Variants in PPP1R9A observed in about 807,000 individuals in gnomAD.
The protein encoded by PPP1R9A is protein phosphatase 1 regulatory subunit 9A, also known as neurabin-1.
Under a neutral mutation model 141.9 loss-of-function variants are expected in PPP1R9A, and 59 were observed. The ratio of observed to expected loss-of-function variants is 0.42; its 90% CI spans 0.34 to 0.52. The LOEUF is 0.52. PPP1R9A is among the 20% of genes least tolerant of loss of function. The pLI, the probability that PPP1R9A is intolerant of heterozygous loss-of-function variation, is 0.10. For synonymous variants in PPP1R9A, 500 were observed against 569.7 expected, an observed-to-expected ratio of 0.88 and a Z score of 1.74; for missense variants, 1,444 against 1,611.9, an observed-to-expected ratio of 0.90 and a Z score of 1.78.
chr7:95,274,221 C>T lies in PPP1R9A; in HGVS notation c.3296+53C>T, dbSNP rs979324983. 2.1e-6 allele frequency: 3 copies of T among 1,431,088 alleles called. No homozygotes were observed. The African/African-American group carries it at 4.3e-5, about 21-fold the overall frequency. 88.6% of individuals were successfully genotyped at this position (1,431,088 alleles called of 1,614,324 possible). A position where few individuals can be genotyped will look rare whatever the true frequency, so the allele number is the denominator to read the frequency against. Reference sequence around the variant, plus strand: ...TATTTCTATACCTAAACTTTCTGGCCCCCTCTTCTATTGTTAACCAAAATC... The same window carrying T: ...TATTTCTATACCTAAACTTTCTGGCTCCCTCTTCTATTGTTAACCAAAATC... On this transcript the variant is annotated intron_variant, in intron 16 of 19. Transcript: ENST00000433360.
chr7:95,218,042 A>G (rs1286098174), intron 7 of PPP1R9A, among the ~76,000 whole-genome samples: 2 of 151,970 alleles, frequency 1.3e-5, no homozygotes, highest in Admixed American at 6.6e-5. Flanking sequence ...TTGCTTCTCT[A>G]GTTCTTTTAA....
At chr7:94,914,847 A>T (rs771220476) in intron 2 of PPP1R9A, among the ~76,000 whole-genome samples, 6 of 152,202 alleles carry the variant, frequency 3.9e-5, no homozygotes, top group Non-Finnish European at 7.3e-5. Flanking sequence ...TGATGAAGTA[A>T]GGAGCTGCTG....
In PPP1R9A at chr7:95,180,679, A is replaced by G. The variant is rs550319000; in HGVS notation, c.1755-17670A>G. Among the ~76,000 whole-genome samples the G allele has an allele frequency of 5.3e-5, 8 of 152,246 alleles. No homozygotes were observed. In the South Asian group the frequency reaches 1.7e-3, roughly 32 times the overall value. On this transcript the variant is annotated intron_variant, in intron 5 of 19. Transcript: ENST00000433360. ...CTACGACAATCTCAAACAAATCAGC[A>G]AGAAAAAAAATCCCATCAAAAAGTG...
chr7:95,287,604 A>G (rs1805586840), intron 18 of PPP1R9A, among the ~76,000 whole-genome samples: 1 of 152,134 alleles, frequency 6.6e-6, no homozygotes, highest in Admixed American at 6.5e-5. Flanking sequence ...ATTTAGAATA[A>G]ACTCCTAACT....
At chr7:94,960,826 A>C (rs571363465) in intron 2 of PPP1R9A, among the ~76,000 whole-genome samples, 1 of 151,678 alleles carries the variant, frequency 6.6e-6, no homozygotes, top group Non-Finnish European at 1.5e-5. Context: ...AATGACAATA[A>C]AATTAAAATT....
chr7:95,137,874 T>C (rs1166027742), intron 4 of PPP1R9A, among the ~76,000 whole-genome samples: 2 of 151,884 alleles, frequency 1.3e-5, no homozygotes, highest in Non-Finnish European at 2.9e-5. Context: ...TATAGATCAA[T>C]GTAATAGAAA....
chr7:95,032,826 C>T (rs1807873776), intron 2 of PPP1R9A, among the ~76,000 whole-genome samples: 2 of 151,972 alleles, frequency 1.3e-5, no homozygotes, highest in Admixed American at 6.6e-5. Flanking sequence ...AAAATAAACA[C>T]CTGTGTAAAC....
chr7:95,128,273 A>G (rs1389172960), intron 4 of PPP1R9A, among the ~76,000 whole-genome samples: 1 of 152,198 alleles, frequency 6.6e-6, no homozygotes, highest in East Asian at 1.9e-4. Context: ...AGTGATATGG[A>G]GCATTTTTTA....
chr7:95,199,096 A>G (rs1287693060), intron 6 of PPP1R9A, among the ~76,000 whole-genome samples: 2 of 152,212 alleles, frequency 1.3e-5, no homozygotes, highest in African/African-American at 4.8e-5. Flanking sequence ...TTTCTGTAAA[A>G]GATCAAGTAA....
chr7:95,169,972 G>C (rs947813809), intron 5 of PPP1R9A, among the ~76,000 whole-genome samples: 4 of 151,738 alleles, frequency 2.6e-5, no homozygotes, highest in Non-Finnish European at 4.4e-5. Flanking sequence ...TAAAATAGTT[G>C]TTATAATTAG....
intron 5 of PPP1R9A, among the ~76,000 whole-genome samples, chr7:95,191,092 A>G (rs1244510964): frequency 6.6e-6 from 1 of 152,246 alleles, no homozygotes; most frequent in Non-Finnish European, 1.5e-5. Flanking sequence ...TCAATTTAGT[A>G]AATTGTAAAT....
At position 95,128,573 on chromosome 7, in the gene PPP1R9A, G is replaced by C. The variant is rs559053397; in HGVS notation, c.1649+7741G>C. 2.7e-5 allele frequency among the ~76,000 whole-genome samples: 4 copies of C among 148,866 alleles called. No individual in the cohort carries two copies. The East Asian group carries it at 7.7e-4, about 29-fold the overall frequency. ...TTTCTGTTTTGTTTTCTGTTCGTTT[G>C]TTTGTTTGTTTGTTTGTTTTGAGAT... On this transcript the variant is annotated intron_variant, in intron 4 of 19. Coordinates refer to ENST00000433360, the MANE Select transcript of PPP1R9A (RefSeq NM_001166160.2).
chr7:95,108,269 CT>C (rs1285286291), intron 2 of PPP1R9A, among the ~76,000 whole-genome samples: 1 of 35,110 alleles, frequency 2.8e-5, no homozygotes, highest in South Asian at 5.8e-4. Context: ...ACATTATTTT[CT>C]TTTTCTTTTT....
chr7:95,147,928 G>A (rs962056299), intron 4 of PPP1R9A, among the ~76,000 whole-genome samples: 2 of 152,124 alleles, frequency 1.3e-5, no homozygotes, highest in Non-Finnish European at 2.9e-5. Flanking sequence ...TTGCATTGAT[G>A]TTCATCAGGG....
chr7:94,975,356 G>GTTTTTTTTTTTTT (rs68186534), intron 2 of PPP1R9A, among the ~76,000 whole-genome samples: 8 of 120,758 alleles, frequency 6.6e-5, no homozygotes, highest in East Asian at 2.5e-4. Flanking sequence ...GTTTTTTTTT[G>GTTTTTTTTTTTTT]TTTTTTTTTT....
At chr7:95,246,270 A>T (rs1798108609) in intron 8 of PPP1R9A, among the ~76,000 whole-genome samples, 1 of 152,178 alleles carries the variant, frequency 6.6e-6, no homozygotes, top group Non-Finnish European at 1.5e-5. Flanking sequence ...ACAGGTTCAC[A>T]TTGCTAGTCT....
rs573931753 is a variant in PPP1R9A, at chr7:95,281,206, G to A, written c.3297-2812G>A. Reference sequence around the variant, plus strand: ...TTTTAAAATCACAGATACTCACAGAGGAATGAGAGATACAGGATACAACTT... The same window carrying A: ...TTTTAAAATCACAGATACTCACAGAAGAATGAGAGATACAGGATACAACTT... On this transcript the variant is annotated intron_variant, in intron 16 of 19. Transcript: ENST00000433360. 3.3e-5 allele frequency among the ~76,000 whole-genome samples: 5 copies of A among 152,300 alleles called. No individual in the cohort carries two copies. The South Asian group carries it at 8.3e-4, about 25-fold the overall frequency.
At chr7:95,228,920 A>T (rs1220338354) in intron 8 of PPP1R9A, among the ~76,000 whole-genome samples, 1 of 152,158 alleles carries the variant, frequency 6.6e-6, no homozygotes, top group Non-Finnish European at 1.5e-5. Flanking sequence ...GTAACAGGAC[A>T]TATTACTGGA....
intron 2 of PPP1R9A, among the ~76,000 whole-genome samples, chr7:94,968,094 C>T (rs947965055): frequency 5.3e-5 from 8 of 150,882 alleles, no homozygotes; most frequent in Admixed American, 1.3e-4. Flanking sequence ...CTGGGTGCTC[C>T]TGTAGTGGGT....
Sources: gnomAD v4.1 joint callset for allele counts (sites outside exome capture counted in the v4.1 genomes callset) on GRCh38, gnomAD v4.1.1 for gene constraint, MANE v1.5 for transcripts, NCBI Gene and HGNC (gene_info 2026-07-23, HGNC 2026-07-21) for gene names.